GATA3: variants seen among roughly 807,000 people sequenced by gnomAD.
GATA3 encodes the protein GATA binding protein 3.
GATA3 carries 6 observed loss-of-function variants against 36.0 expected under a neutral mutation model. The observed-to-expected ratio is 0.17, with a 90% CI of 0.09 to 0.33. The LOEUF (loss-of-function observed/expected upper bound fraction) is 0.33, where lower values mean the gene tolerates loss of function less well. GATA3 is among the 10% of genes least tolerant of loss of function. GATA3 has a pLI of 1.00. For synonymous variants in GATA3, 326 were observed against 273.0 expected, an observed-to-expected ratio of 1.19 and a Z score of -1.92; for missense variants, 514 against 610.1, an observed-to-expected ratio of 0.84 and a Z score of 1.66.
At position 8,064,268 on chromosome 10, in the gene GATA3, GTT is replaced by G. The variant is rs59622436; in HGVS notation, c.924+142_924+143del. 7.1e-3 allele frequency: 4,476 copies of G among 634,768 alleles called. 16 individuals are homozygous for G. Among genetic ancestry groups the G allele is most frequent in the South Asian group, 0.042 (1,962 of 46,958 alleles). The allele number at this position is 634,768 out of a possible 1,614,324, so 39.3% of individuals were successfully genotyped here. On this transcript the variant is annotated intron_variant, in intron 4 of 5. Transcript: ENST00000379328. Reference sequence around the variant, plus strand: ...CAATCGTGTCAGCTGGCTTGGGACAGTTTTTTTTTTTTTCCTTTTTCTTTCTT... The same window carrying G: ...CAATCGTGTCAGCTGGCTTGGGACAGTTTTTTTTTTTCCTTTTTCTTTCTT...
chr10:8,054,630 C>T (rs1055902322), upstream of GATA3: 2 of 152,174 alleles, frequency 1.3e-5, no homozygotes, highest in Non-Finnish European at 2.9e-5. The surrounding 1 kb of genome is among the most constrained non-coding windows in gnomAD (Gnocchi z 4.2). Flanking sequence ...AGGCTCCTCC[C>T]CCCCGGCGCG....
chr10:8,067,057 G>A (rs1832854522), intron 4 of GATA3, among the ~76,000 whole-genome samples: 1 of 151,528 alleles, frequency 6.6e-6, no homozygotes, highest in Non-Finnish European at 1.5e-5. Flanking sequence ...AACACTATAG[G>A]AAGATAATAA....
chr10:8,048,547 C>G (rs1055446304), intron 1 of GATA3, among the ~76,000 whole-genome samples: 1 of 152,160 alleles, frequency 6.6e-6, no homozygotes, highest in African/African-American at 2.4e-5. Flanking sequence ...GTCCAAAGCC[C>G]GGGAGACCCA....
rs930443733 is a variant in GATA3, at chr10:8,055,212, G to A, written c.-369-75G>A. 23 of 267,496 alleles carry A rather than the reference G, an allele frequency of 8.6e-5. 1 individual carries two copies. The highest frequency in any genetic ancestry group is 1.5e-4 in the Non-Finnish European group (21 of 140,612). The allele number at this position is 267,496 out of a possible 1,614,324, so 16.6% of individuals were successfully genotyped here. On this transcript the variant is annotated intron_variant, in intron 1 of 5. Transcript: ENST00000379328. This position sits in a 1 kb window ranked among gnomAD's most constrained non-coding sequence, Gnocchi z 5.4. ...CGGGTCTCGGGTGCGCTGGGCGGGCGGGCGGCGCGAGGGGAGGTTGTGCCA... is the reference window on the plus strand; with the variant it reads ...CGGGTCTCGGGTGCGCTGGGCGGGCAGGCGGCGCGAGGGGAGGTTGTGCCA...
At chr10:8,060,955 G>A (rs1362898472) in intron 3 of GATA3, among the ~76,000 whole-genome samples, 2 of 152,154 alleles carry the variant, frequency 1.3e-5, no homozygotes, top group Admixed American at 1.3e-4. Context: ...GGCGGCGAGC[G>A]AGCTGGGACT....
At chr10:8,064,218 T>G in intron 4 of GATA3, 80 bp downstream of exon 4, 2 of 1,576,136 alleles carry the variant, frequency 1.3e-6, no homozygotes, top group Non-Finnish European at 1.7e-6. Context: ...GACAGCTTTC[T>G]GCAGGAAATT....
At chr10:8,068,598 A>G (rs1375949751) in intron 4 of GATA3, among the ~76,000 whole-genome samples, 1 of 152,186 alleles carries the variant, frequency 6.6e-6, no homozygotes, top group African/African-American at 2.4e-5. Flanking sequence ...CTAAAAATAG[A>G]AAAATTAGCC....
chr10:8,050,089 C>A (rs749702394), upstream of GATA3, among the ~76,000 whole-genome samples: 1 of 152,232 alleles, frequency 6.6e-6, no homozygotes, highest in Non-Finnish European at 1.5e-5. Context: ...TTACAATTCC[C>A]ACACCGAAGG....
chr10:8,064,114 C>G lies in GATA3; in HGVS notation c.900C>G (p.Pro300=), dbSNP rs751075801. ...ACAAAATGAACGGACAGAACCGGCC[C>G]CTCATTAAGCCCAAGCGAAGGCTGG... ...LYHKMNGQNR[P]LIKPKRRLSA... The change falls in exon 4 of 6, where the codon CCC becomes CCG. Residue 300 remains proline, a synonymous_variant. Transcript: ENST00000379328. The G allele has an allele frequency of 1.6e-5, 26 of 1,614,048 alleles. No homozygotes were observed. The highest frequency in any genetic ancestry group is 2.1e-5 in the Non-Finnish European group (25 of 1,180,022).
chr10:8,074,853 AATTTTTGGTTGAATAAACTAG>A lies in GATA3; in HGVS notation c.*834_*854del, dbSNP rs1369126502. On this transcript the variant is annotated 3_prime_UTR_variant, in exon 6 of 6. Transcript: ENST00000379328. ...TGTTTCAATATTTTCCTTCTCTCTC[AATTTTTGGTTGAATAAACTAG>A]ATTACATTCAGTTGGCCTAAGGTGG... 4.3e-6 allele frequency: 1 copy of A among 233,490 alleles called. No individual in the cohort carries two copies. The highest frequency in any genetic ancestry group is 8.5e-6 in the Non-Finnish European group (1 of 118,066). 14.5% of individuals were successfully genotyped at this position (233,490 alleles called of 1,614,324 possible). A position where few individuals can be genotyped will look rare whatever the true frequency, so the allele number is the denominator to read the frequency against.
At chr10:8,064,362 C>G (rs1272526) in intron 4 of GATA3, among the ~76,000 whole-genome samples, 3 of 115,220 alleles carry the variant, frequency 2.6e-5, no homozygotes, top group African/African-American at 1.0e-4. Context: ...CTTTTCCCCT[C>G]TTTTTCCCCA....
chr10:8,060,857 G>A (rs1832736088), intron 3 of GATA3, among the ~76,000 whole-genome samples: 2 of 152,136 alleles, frequency 1.3e-5, no homozygotes, highest in Non-Finnish European at 2.9e-5. Flanking sequence ...GAGGAGGAGA[G>A]GAGGCCATTT....
chr10:8,059,964 T>C lies in GATA3; in HGVS notation c.778+1123T>C, dbSNP rs3781093. 0.19 allele frequency among the ~76,000 whole-genome samples: 29,396 copies of C among 152,096 alleles called. 3,087 individuals carry two copies. Among genetic ancestry groups the C allele is most frequent in the East Asian group, 0.3 (1,575 of 5,168 alleles). The stretch of plus-strand genomic sequence containing the variant: ...CCGCTGTCTCTCTACAGATCCTATA[T>C]AGAAAGCAATCGTGAAAATCACTTG... On this transcript the variant is annotated intron_variant, in intron 3 of 5. Coordinates refer to ENST00000379328, the MANE Select transcript of GATA3 (RefSeq NM_001002295.2).
intron 2 of GATA3, among the ~76,000 whole-genome samples, chr10:8,057,146 A>C (rs971808314): frequency 6.6e-6 from 1 of 152,186 alleles, no homozygotes. Context: ...CTTCCTGCAT[A>C]ATATGAATCT....
chr10:8,054,544 G>C (rs1326833895), upstream of GATA3: 2 of 152,020 alleles, frequency 1.3e-5, no homozygotes, highest in Middle Eastern at 3.2e-3. This position sits in a 1 kb window ranked among gnomAD's most constrained non-coding sequence, Gnocchi z 4.2. Context: ...TGCGCGGGGC[G>C]GGGGGAGAAG....
chr10:8,066,136 G>A (rs556571872), intron 4 of GATA3, among the ~76,000 whole-genome samples: 1 of 152,048 alleles, frequency 6.6e-6, no homozygotes, highest in South Asian at 2.1e-4. Context: ...CAAGGCATGG[G>A]CTGATTGGTG....
intron 5 of GATA3, among the ~76,000 whole-genome samples, chr10:8,070,061 TA>T (rs1832906538): frequency 6.6e-6 from 1 of 152,106 alleles, no homozygotes; most frequent in Non-Finnish European, 1.5e-5. Flanking sequence ...TACTGAGAGG[TA>T]AAAAGTCTTG....
Position 8,073,880 on chromosome 10 carries a change from T to A in GATA3, c.1192T>A (p.Ser398Thr). The A allele has an allele frequency of 6.2e-7, 1 of 1,614,054 alleles. No homozygotes were observed. Among genetic ancestry groups the A allele is most frequent in the Non-Finnish European group, 8.5e-7 (1 of 1,180,016 alleles). ...KNSSFNPAAL[S>T]RHMSSLSHIS... ...CAGCTCGTTTAACCCGGCCGCCCTC[T>A]CCAGACACATGTCCTCCCTGAGCCA... Residue 398 changes from serine (S) to threonine (T), a missense_variant, in exon 6 of 6, where the codon TCC (serine) becomes ACC (threonine). By Grantham distance (58) the Ser-to-Thr change is moderately conservative. Transcript: ENST00000379328.
At chr10:8,049,843 G>A (rs1219247101), upstream of GATA3, among the ~76,000 whole-genome samples, 1 of 152,194 alleles carries the variant, frequency 6.6e-6, no homozygotes, top group Non-Finnish European at 1.5e-5. Context: ...TATGGACATG[G>A]TTCGGGTGAC....
Sources: gnomAD v4.1 joint callset for allele counts (sites outside exome capture counted in the v4.1 genomes callset) on GRCh38, gnomAD v4.1.1 for gene constraint, Gnocchi (gnomAD v3.1) non-coding constraint, MANE v1.5 for transcripts, NCBI Gene and HGNC (gene_info 2026-07-23, HGNC 2026-07-21) for gene names.